The following TNRC6B variants were observed in gnomAD, a reference collection of about 807,000 sequenced individuals.
TNRC6B encodes the protein trinucleotide repeat containing adaptor 6B.
TNRC6B carries 52 observed loss-of-function variants against 203.6 expected under a neutral mutation model. That is an observed-to-expected ratio of 0.26 (90% CI 0.20 to 0.32). The LOEUF is 0.32. Ranked by LOEUF, TNRC6B falls within the 10% of genes least tolerant of loss-of-function variation. The pLI is 1.00. For synonymous variants in TNRC6B, 838 were observed against 845.7 expected, an observed-to-expected ratio of 0.99 and a Z score of 0.16; for missense variants, 1,923 against 2,286.2, an observed-to-expected ratio of 0.84 and a Z score of 3.24.
chr22:40,315,115 G>C (rs2071239865), intron 19 of TNRC6B, among the ~76,000 whole-genome samples, 168 bp from the exon 20 acceptor site: 1 of 152,052 alleles, frequency 6.6e-6, no homozygotes, highest in South Asian at 2.1e-4. Flanking sequence ...TGTTCGTTAT[G>C]CTCTAAGAAC....
intron 1 of TNRC6B, among the ~76,000 whole-genome samples, chr22:40,206,916 A>G (rs1234222736): frequency 6.6e-6 from 1 of 152,176 alleles, no homozygotes; most frequent in Non-Finnish European, 1.5e-5. Flanking sequence ...ACAAAATACC[A>G]CAAACTGAAT....
intron 12 of TNRC6B, among the ~76,000 whole-genome samples, chr22:40,297,309 T>G (rs970066530): frequency 1.3e-5 from 2 of 152,188 alleles, no homozygotes; most frequent in African/African-American, 4.8e-5. Context: ...ATGACTAGAT[T>G]ATCCTCAGCT....
intron 2 of TNRC6B, among the ~76,000 whole-genome samples, chr22:40,121,158 A>T (rs1374141971): frequency 3.9e-5 from 6 of 152,092 alleles, no homozygotes; most frequent in Non-Finnish European, 1.5e-5. Context: ...TTCTTAGTAC[A>T]TTGTTCTTAA....
intron 1 of TNRC6B, among the ~76,000 whole-genome samples, chr22:40,217,987 A>AAT (rs1179662175): frequency 6.6e-6 from 1 of 151,558 alleles, no homozygotes; most frequent in Non-Finnish European, 1.5e-5. Flanking sequence ...AAAAAAAAAA[A>AAT]AAATTACTGA....
intron 1 of TNRC6B, among the ~76,000 whole-genome samples, chr22:40,082,705 A>G (rs530543339): frequency 6.6e-6 from 1 of 152,338 alleles, no homozygotes; most frequent in Admixed American, 6.5e-5. Flanking sequence ...AGAGATGATA[A>G]TAGTCAGAGA....
chr22:40,174,318 T>C (rs556142386), upstream of TNRC6B, among the ~76,000 whole-genome samples: 234 of 152,164 alleles, frequency 1.5e-3, no homozygotes, highest in Non-Finnish European at 2.5e-3. Context: ...TAGTTGGGAC[T>C]ACAGGCGTGT....
intron 1 of TNRC6B, among the ~76,000 whole-genome samples, chr22:40,074,519 C>A (rs1027491005): frequency 1.3e-5 from 2 of 152,024 alleles, no homozygotes; most frequent in Non-Finnish European, 1.5e-5. Flanking sequence ...TGGCTCACGC[C>A]TGTAATCCCT....
Position 40,329,254 on chromosome 22 carries a change from G to GTC in TNRC6B, c.*6014_*6015dup, listed in dbSNP as rs1180545140. 2.8e-4 allele frequency: 42 copies of GTC among 152,146 alleles called. No homozygotes were observed. Among genetic ancestry groups the GTC allele is most frequent in the Admixed American group, 2.7e-3 (42 of 15,282 alleles). The allele number at this position is 152,146 out of a possible 1,614,324, so 9.4% of individuals were successfully genotyped here. On this transcript the variant is annotated 3_prime_UTR_variant, in exon 23 of 23. Transcript: ENST00000454349. The stretch of plus-strand genomic sequence containing the variant: ...TCTGCAAGTACAGGGAGTCCATACA[G>GTC]TCAAGAAACACACAGATACACATAA...
At chr22:40,255,729 C>T (rs912953280) in intron 3 of TNRC6B, among the ~76,000 whole-genome samples, 2 of 152,234 alleles carry the variant, frequency 1.3e-5, no homozygotes, top group African/African-American at 4.8e-5. Flanking sequence ...CCCAATCTGG[C>T]CCGAACTACA....
intron 1 of TNRC6B, among the ~76,000 whole-genome samples, chr22:40,204,609 G>A (rs1479322693): frequency 6.6e-6 from 1 of 152,184 alleles, no homozygotes; most frequent in Admixed American, 6.5e-5. Context: ...ACCACTATTT[G>A]TAAGCAGGAT....
chr22:40,142,751 C>T (rs2068655887), intron 3 of TNRC6B, among the ~76,000 whole-genome samples: 1 of 152,096 alleles, frequency 6.6e-6, no homozygotes, highest in Non-Finnish European at 1.5e-5. Context: ...TGGTCTTGCC[C>T]ATCCTATAGT....
chr22:40,169,544 T>C (rs549825554), intron 4 of TNRC6B, among the ~76,000 whole-genome samples: 3 of 152,362 alleles, frequency 2.0e-5, no homozygotes, highest in Admixed American at 2.0e-4. Flanking sequence ...CTTCAAAATA[T>C]ACTGCGTACT....
intron 3 of TNRC6B, among the ~76,000 whole-genome samples, chr22:40,142,447 A>G (rs553542369): frequency 4.6e-5 from 7 of 152,276 alleles, no homozygotes; most frequent in Admixed American, 2.6e-4. Flanking sequence ...GCAAAGTGCA[A>G]ATCAAAACCA....
intron 15 of TNRC6B, among the ~76,000 whole-genome samples, chr22:40,306,684 TA>T (rs896019955): frequency 6.6e-6 from 1 of 151,912 alleles, no homozygotes; most frequent in Non-Finnish European, 1.5e-5. Context: ...AACTCTTCTT[TA>T]AAAAAAATAA....
intron 2 of TNRC6B, among the ~76,000 whole-genome samples, chr22:40,249,927 A>AGTTC (rs2070163379): frequency 6.6e-6 from 1 of 152,216 alleles, no homozygotes; most frequent in Admixed American, 6.5e-5. Flanking sequence ...CACACCAGGA[A>AGTTC]GTTCTACAGG....
intron 1 of TNRC6B, among the ~76,000 whole-genome samples, chr22:40,103,267 CAA>C (rs781514140): frequency 2.1e-4 from 26 of 124,404 alleles, no homozygotes; most frequent in Admixed American, 3.3e-4. Flanking sequence ...CACCCTGTCT[CAA>C]AAAAAAAAAA....
intron 1 of TNRC6B, among the ~76,000 whole-genome samples, chr22:40,228,695 A>ATT (rs977130124): frequency 6.9e-6 from 1 of 144,472 alleles, no homozygotes; most frequent in East Asian, 2.1e-4. Context: ...AATTTTTTGT[A>ATT]TTTTTTTTTT....
intron 3 of TNRC6B, among the ~76,000 whole-genome samples, chr22:40,135,570 G>A (rs529554867): frequency 7.9e-5 from 12 of 152,188 alleles, no homozygotes; most frequent in Middle Eastern, 3.4e-3. Context: ...ATGTGATGAT[G>A]GCTTGCTGAA....
chr22:40,109,880 A>G (rs570897531), intron 1 of TNRC6B, among the ~76,000 whole-genome samples: 1 of 152,322 alleles, frequency 6.6e-6, no homozygotes, highest in South Asian at 2.1e-4. Flanking sequence ...CCCCTGAAAA[A>G]GGGGATCAGA....
Sources: gnomAD v4.1 joint callset for allele counts (sites outside exome capture counted in the v4.1 genomes callset) on GRCh38, gnomAD v4.1.1 for gene constraint, MANE v1.5 for transcripts, NCBI Gene and HGNC (gene_info 2026-07-23, HGNC 2026-07-21) for gene names.